The following KCNC1 variants were observed in gnomAD, a reference collection of about 807,000 sequenced individuals.
KCNC1 encodes voltage-gated potassium channel KCNC1.
A neutral mutation model predicts 43.4 loss-of-function variants in KCNC1; 8 were observed. The observed-to-expected ratio is 0.18, with a 90% CI of 0.11 to 0.33. KCNC1 has a LOEUF of 0.33. Ranked by LOEUF, KCNC1 falls within the 10% of genes least tolerant of loss-of-function variation. The pLI, the probability that KCNC1 is intolerant of heterozygous loss-of-function variation, is 1.00. For synonymous variants in KCNC1, 361 were observed against 360.5 expected (o/e 1.00, Z -0.01); for missense variants, 420 against 836.0 (o/e 0.50, Z 6.14).
chr11:17,754,324 G>T (rs1849000591), intron 1 of KCNC1, among the ~76,000 whole-genome samples: 1 of 152,228 alleles, frequency 6.6e-6, no homozygotes, highest in South Asian at 2.1e-4. Context: ...TCACAGATTG[G>T]TGTATGGAGA....
rs1376616036 is a variant in KCNC1, at chr11:17,779,423, G to A, written c.1505-33G>A. 2.1e-6 allele frequency: 3 copies of A among 1,454,912 alleles called. No homozygotes were observed. Among genetic ancestry groups the A allele is most frequent in the Non-Finnish European group, 2.7e-6 (3 of 1,099,790 alleles). 90.1% of individuals were successfully genotyped at this position (1,454,912 alleles called of 1,614,324 possible). The stretch of plus-strand genomic sequence containing the variant: ...CCTGCCCCCCACTAAACAGTTTTCA[G>A]TGTCTCAATAGCTTCTGCTTATATG... On this transcript the variant is annotated intron_variant, in intron 2 of 3. Transcript: ENST00000265969. The surrounding 1 kb of genome is among the most constrained non-coding windows in gnomAD (Gnocchi z 7.2).
Position 17,735,945 on chromosome 11 carries a change from C to T in KCNC1, c.-58C>T, listed in dbSNP as rs1024611955. 1.7e-5 allele frequency: 23 copies of T among 1,381,256 alleles called. No individual in the cohort carries two copies. The highest frequency in any genetic ancestry group is 2.1e-5 in the Non-Finnish European group (23 of 1,076,070). 85.6% of individuals were successfully genotyped at this position (1,381,256 alleles called of 1,614,324 possible). ...GCCCCCCTCCCCGGCGCCAACTCCC[C>T]CTGGCGGCCGCTCCCATGGGTGTCG... On this transcript the variant is annotated 5_prime_UTR_variant, in exon 1 of 4. Coordinates refer to ENST00000265969, the MANE Select transcript of KCNC1 (RefSeq NM_001112741.2). The surrounding 1 kb of genome is among the most constrained non-coding windows in gnomAD (Gnocchi z 6.7).
intron 1 of KCNC1, among the ~76,000 whole-genome samples, chr11:17,759,940 G>A (rs1357140763): frequency 6.6e-6 from 1 of 152,158 alleles, no homozygotes; most frequent in Non-Finnish European, 1.5e-5. Context: ...AAAAAAAATT[G>A]CAATATCTGT....
chr11:17,778,234 G>A (rs1048672508), intron 2 of KCNC1, among the ~76,000 whole-genome samples: 1 of 152,182 alleles, frequency 6.6e-6, no homozygotes, highest in African/African-American at 2.4e-5. Flanking sequence ...AGCTCCAGAG[G>A]CTTCCACGGC....
chr11:17,780,242 G>A (rs986943985), intron 3 of KCNC1: 2 of 152,398 alleles, frequency 1.3e-5, no homozygotes, highest in Non-Finnish European at 2.9e-5. Context: ...CCAAGAGAAG[G>A]TGGTTGAGCA....
At position 17,776,456 on chromosome 11, in the gene KCNC1, G is replaced by A. The variant is rs1849288999; in HGVS notation, c.1505-3000G>A. ...AACAGTAAGTACTTTGGCGGTGCCTGGAGACCAGGGCAGAAAAGCCAGCTG... is the reference window on the plus strand; with the variant it reads ...AACAGTAAGTACTTTGGCGGTGCCTAGAGACCAGGGCAGAAAAGCCAGCTG... On this transcript the variant is annotated intron_variant, in intron 2 of 3. Transcript: ENST00000265969. This position sits in a 1 kb window ranked among gnomAD's most constrained non-coding sequence, Gnocchi z 4.4. The A allele has an allele frequency of 1.0e-5, 10 of 985,444 alleles. No homozygotes were observed. Among genetic ancestry groups the A allele is most frequent in the Non-Finnish European group, 1.2e-5 (10 of 829,934 alleles). The allele number at this position is 985,444 out of a possible 1,614,324, so 61.0% of individuals were successfully genotyped here.
Position 17,735,829 on chromosome 11 carries a change from C to G in KCNC1, c.-174C>G. 1 of 666,116 alleles carries G rather than the reference C, an allele frequency of 1.5e-6. No individual in the cohort carries two copies. The highest frequency in any genetic ancestry group is 3.0e-5 in the South Asian group (1 of 33,514). The allele number at this position is 666,116 out of a possible 1,614,324, so 41.3% of individuals were successfully genotyped here. A position where few individuals can be genotyped will look rare whatever the true frequency, so the allele number is the denominator to read the frequency against. ...CCCTGGACCGGCACCCGACAAAGCGCCCGGAGAGGCTTGGCTCGCTCGTTG... is the reference window on the plus strand; with the variant it reads ...CCCTGGACCGGCACCCGACAAAGCGGCCGGAGAGGCTTGGCTCGCTCGTTG... On this transcript the variant is annotated 5_prime_UTR_variant, in exon 1 of 4. Coordinates refer to ENST00000265969, the MANE Select transcript of KCNC1 (RefSeq NM_001112741.2). This position sits in a 1 kb window ranked among gnomAD's most constrained non-coding sequence, Gnocchi z 6.7.
rs558297643 is a variant in KCNC1, at chr11:17,773,880, C to T, written c.1504+1282C>T. Reference sequence around the variant, plus strand: ...GTGGCATTTAGTCTATGAAGGACCTCCCCATGCCCAGGTCTGGCAGGAGGC... The same window carrying T: ...GTGGCATTTAGTCTATGAAGGACCTTCCCATGCCCAGGTCTGGCAGGAGGC... On this transcript the variant is annotated intron_variant, in intron 2 of 3. Coordinates refer to ENST00000265969, the MANE Select transcript of KCNC1 (RefSeq NM_001112741.2). This position sits in a 1 kb window ranked among gnomAD's most constrained non-coding sequence, Gnocchi z 4.1. 4 of 985,476 alleles carry T rather than the reference C, an allele frequency of 4.1e-6. No individual in the cohort carries two copies. Among genetic ancestry groups the T allele is most frequent in the East Asian group, 2.3e-4 (2 of 8,808 alleles). 61.0% of individuals were successfully genotyped at this position (985,476 alleles called of 1,614,324 possible). A position where few individuals can be genotyped will look rare whatever the true frequency, so the allele number is the denominator to read the frequency against.
At chr11:17,772,897 A>G in intron 2 of KCNC1, 2 of 1,250,728 alleles carry the variant, frequency 1.6e-6, no homozygotes, top group Non-Finnish European at 2.0e-6. Context: ...ACTTAGCAGG[A>G]GCCAGGGGGG....
chr11:17,769,881 C>T (rs985122133), intron 1 of KCNC1, among the ~76,000 whole-genome samples: 9 of 152,120 alleles, frequency 5.9e-5, no homozygotes, highest in Admixed American at 2.6e-4. Context: ...GATCTCTTCC[C>T]GTTTCTGGGC....
At chr11:17,780,558 T>C (rs1465547658) in intron 3 of KCNC1, 1 of 152,276 alleles carries the variant, frequency 6.6e-6, no homozygotes, top group Non-Finnish European at 1.5e-5. Context: ...CTCGTGCATG[T>C]CTTGGAGTGC....
At chr11:17,756,174 C>T (rs948182840) in intron 1 of KCNC1, among the ~76,000 whole-genome samples, 2 of 152,174 alleles carry the variant, frequency 1.3e-5, no homozygotes, top group African/African-American at 2.4e-5. Context: ...TCTTATCCAT[C>T]CTTCCAACCT....
At chr11:17,763,778 C>T (rs1402461165) in intron 1 of KCNC1, among the ~76,000 whole-genome samples, 1 of 141,468 alleles carries the variant, frequency 7.1e-6, no homozygotes, top group Non-Finnish European at 1.5e-5. Context: ...CCCCACACCA[C>T]CCCACACACA....
At chr11:17,775,959 C>T in intron 2 of KCNC1, 1 of 985,304 alleles carries the variant, frequency 1.0e-6, no homozygotes, top group Non-Finnish European at 1.2e-6. Context: ...GCAGTGGCTG[C>T]CCAGTGAGTG....
At position 17,779,401 on chromosome 11, in the gene KCNC1, G is replaced by C. The variant is rs1565164834; in HGVS notation, c.1505-55G>C. On this transcript the variant is annotated intron_variant, in intron 2 of 3. Transcript: ENST00000265969. This position sits in a 1 kb window ranked among gnomAD's most constrained non-coding sequence, Gnocchi z 7.2. ...CCCCGCTTCTGGCCTGTCCCCCCCT[G>C]CCCCCCACTAAACAGTTTTCAGTGT... is the stretch of plus-strand genomic sequence containing the variant. The C allele has an allele frequency of 7.4e-7, 1 of 1,357,410 alleles. No individual in the cohort carries two copies. 84.1% of individuals were successfully genotyped at this position (1,357,410 alleles called of 1,614,324 possible). A position where few individuals can be genotyped will look rare whatever the true frequency, so the allele number is the denominator to read the frequency against.
At position 17,735,709 on chromosome 11, in the gene KCNC1, C is replaced by CTCCCTCCCTTCT. The variant is rs1371426307; in HGVS notation, c.-292_-281dup. On this transcript the variant is annotated 5_prime_UTR_variant, in exon 1 of 4. Transcript: ENST00000265969. This position sits in a 1 kb window ranked among gnomAD's most constrained non-coding sequence, Gnocchi z 6.7. Reference sequence around the variant, plus strand: ...CCTCCCTCCCTTTCTCCCTCCCTTTCTCCCTCCCTTCTTTCCTCCTCTGCC... The same window carrying CTCCCTCCCTTCT: ...CCTCCCTCCCTTTCTCCCTCCCTTTCTCCCTCCCTTCTTCCCTCCCTTCTTTCCTCCTCTGCC... 4 of 141,048 alleles carry CTCCCTCCCTTCT rather than the reference C, an allele frequency of 2.8e-5. No individual in the cohort carries two copies. The allele number at this position is 141,048 out of a possible 1,614,324, so 8.7% of individuals were successfully genotyped here.
chr11:17,770,110 G>A lies in KCNC1; in HGVS notation c.571-1555G>A, dbSNP rs534335255. 5.3e-5 allele frequency among the ~76,000 whole-genome samples: 8 copies of A among 152,354 alleles called. No individual in the cohort carries two copies. In the East Asian group the frequency reaches 1.4e-3, roughly 26 times the overall value. On this transcript the variant is annotated intron_variant, in intron 1 of 3. Transcript: ENST00000265969. Reference sequence around the variant, plus strand: ...GACCATGGTTAATCCAAACAAGACTGTTCTGGGACTTCCAGGGCACCCCCT... The same window carrying A: ...GACCATGGTTAATCCAAACAAGACTATTCTGGGACTTCCAGGGCACCCCCT...
chr11:17,738,068 G>C (rs1287798172), intron 1 of KCNC1, among the ~76,000 whole-genome samples: 1 of 152,068 alleles, frequency 6.6e-6, no homozygotes, highest in African/African-American at 2.4e-5. Flanking sequence ...CTGTGTTTAT[G>C]GGGGGAGGCA....
chr11:17,759,440 C>T (rs1590100591), intron 1 of KCNC1, among the ~76,000 whole-genome samples: 1 of 152,182 alleles, frequency 6.6e-6, no homozygotes, highest in Non-Finnish European at 1.5e-5. Flanking sequence ...AGAACTTTTC[C>T]TTTGCATTAT....
Sources: allele counts gnomAD v4.1 joint callset (sites outside exome capture counted in the v4.1 genomes callset), GRCh38; gene constraint gnomAD v4.1.1; non-coding constraint Gnocchi (gnomAD v3.1); transcripts MANE v1.5; gene names NCBI Gene and HGNC (gene_info 2026-07-23, HGNC 2026-07-21).